Variants in LEPR observed in about 807,000 individuals in gnomAD.
LEPR encodes the protein OB receptor.
A neutral mutation model predicts 114.7 loss-of-function variants in LEPR; 56 were observed. The ratio of observed to expected loss-of-function variants is 0.49; its 90% CI spans 0.39 to 0.61. The LOEUF (loss-of-function observed/expected upper bound fraction) is 0.61, where lower values mean the gene tolerates loss of function less well. Ranked by LOEUF, LEPR falls within the 20% of genes least tolerant of loss-of-function variation. LEPR has a pLI of 0.00. For synonymous variants in LEPR, 443 were observed against 461.4 expected, an observed-to-expected ratio of 0.96 and a Z score of 0.51; for missense variants, 1,202 against 1,352.9, an observed-to-expected ratio of 0.89 and a Z score of 1.75.
rs80133004 is a variant in LEPR, at chr1:65,488,382, A to C, written c.-21+63004A>C. Among the ~76,000 whole-genome samples, 33 of 145,724 alleles carry C rather than the reference A, an allele frequency of 2.3e-4. No homozygotes were observed. The East Asian group carries it at 6.2e-3, about 27-fold the overall frequency. The stretch of plus-strand genomic sequence containing the variant: ...CATTCCATCACCCTGGCTGGAGTAC[A>C]GTGGCATGATTATGGCTCACTACAG... On this transcript the variant is annotated intron_variant, in intron 2 of 19. Transcript: ENST00000349533.
chr1:65,626,316 A>G, intron 19 of LEPR: 1 of 1,313,768 alleles, frequency 7.6e-7, no homozygotes, highest in Middle Eastern at 2.4e-4. Context: ...TAAATTAAAG[A>G]AATGTGAAGA....
At position 65,570,544 on chromosome 1, in the gene LEPR, A is replaced by C. The variant is rs574850620; in HGVS notation, c.112A>C (p.Met38Leu). Residue 38 changes from methionine (M) to leucine (L), a missense_variant, in exon 4 of 20, where the codon ATG (methionine) becomes CTG (leucine). By Grantham distance (15) the Met-to-Leu change is conservative. Coordinates refer to ENST00000349533, the MANE Select transcript of LEPR (RefSeq NM_002303.6). ...TCCTTGGAGATTTAAGTTGTCTTGC[A>C]TGCCACCAAATTCAACCTATGACTA... ...ITPWRFKLSC[M>L]PPNSTYDYFL... The C allele has an allele frequency of 2.5e-6, 4 of 1,614,008 alleles. No individual in the cohort carries two copies. The South Asian group carries it at 4.4e-5, about 18-fold the overall frequency.
At position 65,528,011 on chromosome 1, in the gene LEPR, C is replaced by G. The variant is rs528600585; in HGVS notation, c.-20-37535C>G. On this transcript the variant is annotated intron_variant, in intron 2 of 19. Coordinates refer to ENST00000349533, the MANE Select transcript of LEPR (RefSeq NM_002303.6). ...ATGGGTGGCAGAGGCTCTGTTCCTC[C>G]TTTGTAATGTGGGGACTTACTCTCT... Among the ~76,000 whole-genome samples, 13 of 152,214 alleles carry G rather than the reference C, an allele frequency of 8.5e-5. No individual in the cohort carries two copies. The South Asian group carries it at 2.5e-3, about 29-fold the overall frequency.
At chr1:65,525,686 C>G in intron 2 of LEPR, 1 of 985,608 alleles carries the variant, frequency 1.0e-6, no homozygotes, top group Non-Finnish European at 1.2e-6. Flanking sequence ...AGAGTTGCCC[C>G]GCACCTTGGG....
chr1:65,545,353 C>G (rs935647519), intron 2 of LEPR, among the ~76,000 whole-genome samples: 3 of 152,030 alleles, frequency 2.0e-5, no homozygotes, highest in African/African-American at 7.3e-5. Flanking sequence ...AATGGTATTT[C>G]TAGTTCTAGA....
At chr1:65,554,968 GTT>G (rs1652709899) in intron 2 of LEPR, among the ~76,000 whole-genome samples, 1 of 152,056 alleles carries the variant, frequency 6.6e-6, no homozygotes, top group Non-Finnish European at 1.5e-5. Context: ...AGGGGAGGGA[GTT>G]TCTTGATCCC....
intron 2 of LEPR, among the ~76,000 whole-genome samples, chr1:65,475,021 A>G (rs943590772): frequency 1.4e-5 from 2 of 147,784 alleles, no homozygotes; most frequent in African/African-American, 4.9e-5. Flanking sequence ...AAAAAAAAAA[A>G]AAAAAAAAGT....
intron 2 of LEPR, among the ~76,000 whole-genome samples, chr1:65,519,032 C>G (rs1649485441): frequency 7.3e-6 from 1 of 137,060 alleles, no homozygotes. Flanking sequence ...TCTCTTTCTT[C>G]TTTTCTTTTC....
intron 5 of LEPR, among the ~76,000 whole-genome samples, chr1:65,585,457 A>G (rs1247208369): frequency 6.6e-6 from 1 of 152,014 alleles, no homozygotes; most frequent in Non-Finnish European, 1.5e-5. Context: ...TTTCTAAACC[A>G]TGTATGGCTA....
chr1:65,550,789 C>T (rs1570671113), intron 2 of LEPR, among the ~76,000 whole-genome samples: 2 of 152,174 alleles, frequency 1.3e-5, no homozygotes, highest in Admixed American at 1.3e-4. Context: ...CAATGCCTTG[C>T]CCTGCTTTGG....
intron 2 of LEPR, among the ~76,000 whole-genome samples, chr1:65,518,542 A>G (rs921625674): frequency 1.3e-5 from 2 of 152,186 alleles, no homozygotes; most frequent in Non-Finnish European, 2.9e-5. Flanking sequence ...TGCTGATAAC[A>G]TTTTAAGTCA....
At chr1:65,489,553 T>A (rs1250748148) in intron 2 of LEPR, among the ~76,000 whole-genome samples, 1 of 152,190 alleles carries the variant, frequency 6.6e-6, no homozygotes, top group African/African-American at 2.4e-5. Flanking sequence ...AAATATTTTC[T>A]CCCATTCTGT....
At chr1:65,449,830 T>A (rs1041507873) in intron 2 of LEPR, among the ~76,000 whole-genome samples, 6 of 152,154 alleles carry the variant, frequency 3.9e-5, no homozygotes, top group African/African-American at 1.4e-4. Context: ...TCTAGTTTTT[T>A]AAGGTGAAAG....
At chr1:65,618,788 C>T (rs1657696558) in intron 16 of LEPR, among the ~76,000 whole-genome samples, 1 of 152,000 alleles carries the variant, frequency 6.6e-6, no homozygotes, top group Non-Finnish European at 1.5e-5. Flanking sequence ...TTCCAAAGTC[C>T]ACTTAAACTG....
Position 65,638,457 on chromosome 1 carries a change from A to G in LEPR, c.*1442A>G, listed in dbSNP as rs1233895199. On this transcript the variant is annotated 3_prime_UTR_variant, in exon 20 of 20. Transcript: ENST00000349533. ...CAAGAAGACCTTCAAGAATATCAGT[A>G]TCATCAAAATAAGTACTTTAGTGTT... 1 of 152,222 alleles carries G rather than the reference A, an allele frequency of 6.6e-6. No homozygotes were observed. The highest frequency in any genetic ancestry group is 1.5e-5 in the Non-Finnish European group (1 of 68,052). The allele number at this position is 152,222 out of a possible 1,614,324, so 9.4% of individuals were successfully genotyped here.
chr1:65,519,152 CT>C (rs1230131772), intron 2 of LEPR, among the ~76,000 whole-genome samples: 102 of 120,518 alleles, frequency 8.5e-4, no homozygotes, highest in African/African-American at 2.3e-3. Flanking sequence ...TCCTTCCTTC[CT>C]TTCCTTCCTT....
chr1:65,519,886 A>G (rs935345145), intron 2 of LEPR, among the ~76,000 whole-genome samples: 1 of 151,874 alleles, frequency 6.6e-6, no homozygotes, highest in Non-Finnish European at 1.5e-5. Context: ...GTTTTTTGAG[A>G]TGGAGTCTCG....
In LEPR at chr1:65,617,972, G is replaced by T; in HGVS notation, c.2221G>T (p.Val741Leu). Reference protein sequence around the residue: ...FSWPMSKVNIVQSLSAYPLNS... With the variant: ...FSWPMSKVNILQSLSAYPLNS... ...CCTTCTTTTCCCCTCAGTAAATATC[G>T]TGCAGTCACTCAGTGCTTATCCTTT... The change falls in exon 16 of 20, where the codon GTG becomes TTG. Residue 741 changes from valine to leucine, a missense_variant. Physicochemically the swap from Val to Leu is conservative, Grantham distance 32. Coordinates refer to ENST00000349533, the MANE Select transcript of LEPR (RefSeq NM_002303.6). The T allele has an allele frequency of 1.2e-6, 2 of 1,607,058 alleles. No individual in the cohort carries two copies. The highest frequency in any genetic ancestry group is 1.7e-5 in the Admixed American group (1 of 59,832).
At chr1:65,559,892 T>G (rs1306421698) in intron 2 of LEPR, among the ~76,000 whole-genome samples, 3 of 138,288 alleles carry the variant, frequency 2.2e-5, no homozygotes, top group African/African-American at 8.1e-5. Flanking sequence ...AGGGCTCTGT[T>G]CTGTTCCATT....
Sources: gnomAD v4.1 joint callset for allele counts (sites outside exome capture counted in the v4.1 genomes callset) on GRCh38, gnomAD v4.1.1 for gene constraint, MANE v1.5 for transcripts, NCBI Gene and HGNC (gene_info 2026-07-23, HGNC 2026-07-21) for gene names.